PPM1L: variants seen among roughly 807,000 people sequenced by gnomAD.
The protein encoded by PPM1L is protein phosphatase 1L.
A neutral mutation model predicts 31.4 loss-of-function variants in PPM1L; 13 were observed. That is an observed-to-expected ratio of 0.41 (90% CI 0.27 to 0.66). The LOEUF (loss-of-function observed/expected upper bound fraction) is 0.66, where lower values mean the gene tolerates loss of function less well. PPM1L is among the 30% of genes least tolerant of loss of function. The pLI is 0.29. For synonymous variants in PPM1L, 184 were observed against 175.4 expected (o/e 1.05, Z -0.39); for missense variants, 326 against 453.7 (o/e 0.72, Z 2.56).
chr3:160,790,108 C>T lies in PPM1L; in HGVS notation c.399+33401C>T, dbSNP rs545445385. 2.0e-3 allele frequency among the ~76,000 whole-genome samples: 310 copies of T among 151,756 alleles called. 6 individuals carry two copies. The highest frequency in any genetic ancestry group is 8.3e-4 in the Non-Finnish European group (56 of 67,852). On this transcript the variant is annotated intron_variant, in intron 1 of 3. Coordinates refer to ENST00000498165, the MANE Select transcript of PPM1L (RefSeq NM_139245.4). ...CATGAAACCATCCATTTTTTTTCCC[C>T]AAATATTTTTGATCCATGATTGGTT...
At chr3:160,995,327 T>C (rs1214368739) in intron 2 of PPM1L, among the ~76,000 whole-genome samples, 1 of 152,072 alleles carries the variant, frequency 6.6e-6, no homozygotes, top group East Asian at 1.9e-4. Flanking sequence ...GATTTTTTTT[T>C]CTTTTTCTTT....
chr3:160,909,813 G>A (rs553965352), intron 1 of PPM1L, among the ~76,000 whole-genome samples: 10 of 152,318 alleles, frequency 6.6e-5, no homozygotes, highest in African/African-American at 2.4e-4. Flanking sequence ...TATGTTTATA[G>A]CAACTTGTAA....
At chr3:161,015,251 C>T (rs144093293) in intron 2 of PPM1L, among the ~76,000 whole-genome samples, 1 of 152,290 alleles carries the variant, frequency 6.6e-6, no homozygotes, top group East Asian at 1.9e-4. Context: ...TAGTTATTTA[C>T]AGGGCACCTC....
chr3:160,776,023 G>A (rs892240112), intron 1 of PPM1L, among the ~76,000 whole-genome samples: 3 of 151,964 alleles, frequency 2.0e-5, no homozygotes, highest in African/African-American at 7.2e-5. Context: ...TACTGATAGT[G>A]TGGGAATACC....
At chr3:160,823,716 C>T (rs1713273914) in intron 1 of PPM1L, among the ~76,000 whole-genome samples, 1 of 152,096 alleles carries the variant, frequency 6.6e-6, no homozygotes, top group Non-Finnish European at 1.5e-5. Context: ...ATTTAATTCT[C>T]ACAAGAATCC....
intron 1 of PPM1L, among the ~76,000 whole-genome samples, chr3:160,954,633 G>A (rs1715680409): frequency 6.6e-6 from 1 of 151,960 alleles, no homozygotes; most frequent in African/African-American, 2.4e-5. Context: ...CAAAATCCTA[G>A]GATTACGGGA....
At chr3:160,983,917 G>A (rs906596277) in intron 2 of PPM1L, among the ~76,000 whole-genome samples, 3 of 152,320 alleles carry the variant, frequency 2.0e-5, no homozygotes, top group African/African-American at 7.2e-5. Flanking sequence ...TGTACGAATA[G>A]GGTGTGGGTC....
intron 2 of PPM1L, among the ~76,000 whole-genome samples, chr3:161,004,037 T>G (rs1717607983): frequency 6.8e-6 from 1 of 146,502 alleles, no homozygotes; most frequent in Non-Finnish European, 1.5e-5. Flanking sequence ...TTATTGAGAG[T>G]TTTTAGCATG....
intron 1 of PPM1L, among the ~76,000 whole-genome samples, chr3:160,866,474 T>C (rs1037858537): frequency 1.3e-5 from 2 of 152,244 alleles, no homozygotes; most frequent in African/African-American, 2.4e-5. Context: ...CCTTTAGAAA[T>C]ACTCAACATT....
At chr3:160,914,309 T>C (rs1714079636) in intron 1 of PPM1L, among the ~76,000 whole-genome samples, 1 of 152,166 alleles carries the variant, frequency 6.6e-6, no homozygotes. Context: ...TTTATTATAC[T>C]TTAAGTTTTA....
intron 1 of PPM1L, among the ~76,000 whole-genome samples, chr3:160,882,065 A>G (rs1411964761): frequency 6.6e-6 from 1 of 151,858 alleles, no homozygotes; most frequent in Admixed American, 6.6e-5. Flanking sequence ...AAAAAAAAAA[A>G]GTATGTATTC....
intron 1 of PPM1L, among the ~76,000 whole-genome samples, chr3:160,781,881 ACT>A (rs1396859832): frequency 6.6e-6 from 1 of 152,126 alleles, no homozygotes; most frequent in Non-Finnish European, 1.5e-5. Flanking sequence ...GTCTTGTTTA[ACT>A]TCCTGTGCCC....
intron 1 of PPM1L, among the ~76,000 whole-genome samples, chr3:160,762,201 G>A (rs1714987723): frequency 6.6e-6 from 1 of 152,180 alleles, no homozygotes; most frequent in African/African-American, 2.4e-5. Context: ...TTCACATTAT[G>A]ATGTATAAGA....
intron 2 of PPM1L, among the ~76,000 whole-genome samples, chr3:161,009,430 GTGTT>G (rs1474086022): frequency 6.6e-6 from 1 of 152,178 alleles, no homozygotes; most frequent in Non-Finnish European, 1.5e-5. Flanking sequence ...TAGAGATGCA[GTGTT>G]TGTTTTTTAA....
At chr3:161,009,748 C>G (rs947954327) in intron 2 of PPM1L, among the ~76,000 whole-genome samples, 1 of 151,844 alleles carries the variant, frequency 6.6e-6, no homozygotes, top group Admixed American at 6.6e-5. Context: ...TTCTATTTAA[C>G]TAGGAAGTGA....
At chr3:160,913,471 T>C (rs1395589984) in intron 1 of PPM1L, among the ~76,000 whole-genome samples, 1 of 152,156 alleles carries the variant, frequency 6.6e-6, no homozygotes, top group African/African-American at 2.4e-5. Flanking sequence ...TTTTGATAAA[T>C]GTATATAGCT....
intron 1 of PPM1L, among the ~76,000 whole-genome samples, chr3:160,867,969 GA>G (rs1483197313): frequency 6.6e-6 from 1 of 152,082 alleles, no homozygotes; most frequent in African/African-American, 2.4e-5. Context: ...TTTGCTTGTT[GA>G]AAAAAACTTA....
intron 1 of PPM1L, among the ~76,000 whole-genome samples, chr3:160,795,634 G>A (rs1712224623): frequency 6.6e-6 from 1 of 152,022 alleles, no homozygotes; most frequent in Non-Finnish European, 1.5e-5. Flanking sequence ...TTCTAGAACC[G>A]GTTTAGAAGA....
At chr3:160,893,812 C>T (rs191078028) in intron 1 of PPM1L, among the ~76,000 whole-genome samples, 1 of 152,212 alleles carries the variant, frequency 6.6e-6, no homozygotes, top group East Asian at 1.9e-4. Context: ...TATGATGGTT[C>T]AACTTATAAT....
Sources: allele counts gnomAD v4.1 joint callset (sites outside exome capture counted in the v4.1 genomes callset), GRCh38; gene constraint gnomAD v4.1.1; transcripts MANE v1.5; gene names NCBI Gene and HGNC (gene_info 2026-07-23, HGNC 2026-07-21).